RIC1: variants seen among roughly 807,000 people sequenced by gnomAD.
The protein encoded by RIC1 is guanine nucleotide exchange factor subunit RIC1.
Under a neutral mutation model 169.0 loss-of-function variants are expected in RIC1, and 88 were observed. The observed-to-expected ratio is 0.52, with a 90% CI of 0.44 to 0.62. The LOEUF is 0.62. RIC1 is among the 20% of genes least tolerant of loss of function. The probability of loss-of-function intolerance (pLI) is 0.00; values close to 1 mark genes in which losing one functional copy is unlikely to be tolerated. For missense variants in RIC1, 1,877 were observed against 1,725.5 expected (o/e 1.09, Z -1.56); for synonymous variants, 790 against 601.5 (o/e 1.31, Z -4.59).
chr9:5,694,160 C>A (rs148625025), intron 3 of RIC1, among the ~76,000 whole-genome samples: 9 of 152,268 alleles, frequency 5.9e-5, no homozygotes, highest in African/African-American at 2.2e-4. Flanking sequence ...TTTTTAACTT[C>A]AACACAACTT....
intron 13 of RIC1, 110 bp downstream of exon 13, chr9:5,753,348 C>A: frequency 2.0e-6 from 2 of 1,011,596 alleles, no homozygotes; most frequent in Non-Finnish European, 3.1e-6. Flanking sequence ...AACTCTTGAT[C>A]TATTGTAACA....
At chr9:5,652,952 G>A (rs1586884445) in intron 1 of RIC1, among the ~76,000 whole-genome samples, 1 of 152,146 alleles carries the variant, frequency 6.6e-6, no homozygotes, top group African/African-American at 2.4e-5. Context: ...TGCCTCTCCT[G>A]AAATGATCAT....
intron 3 of RIC1, among the ~76,000 whole-genome samples, chr9:5,707,165 T>C (rs1468904692): frequency 2.0e-5 from 3 of 152,188 alleles, no homozygotes; most frequent in South Asian, 2.1e-4. Flanking sequence ...TTACAGTGTA[T>C]TTTGAATTTC....
At chr9:5,721,415 C>G (rs962469016) in intron 6 of RIC1, among the ~76,000 whole-genome samples, 1 of 152,196 alleles carries the variant, frequency 6.6e-6, no homozygotes, top group African/African-American at 2.4e-5. Context: ...GCTCCCACTT[C>G]ACAGATTGAT....
chr9:5,645,131 G>A (rs1351216522), intron 1 of RIC1, among the ~76,000 whole-genome samples: 1 of 151,874 alleles, frequency 6.6e-6, no homozygotes, highest in African/African-American at 2.4e-5. Flanking sequence ...TTGGGTCACT[G>A]CAGCCTTGAA....
chr9:5,641,250 C>G (rs1818228550), intron 1 of RIC1, among the ~76,000 whole-genome samples: 1 of 151,982 alleles, frequency 6.6e-6, no homozygotes, highest in South Asian at 2.1e-4. Flanking sequence ...CACCACCACA[C>G]CCGGCTAATT....
chr9:5,749,760 G>A (rs903126258), intron 12 of RIC1, among the ~76,000 whole-genome samples: 10 of 138,812 alleles, frequency 7.2e-5, no homozygotes, highest in East Asian at 2.1e-4. Context: ...CAGTAAAGGC[G>A]GTGCTTTTTT....
At chr9:5,708,667 T>A (rs1156587295) in intron 3 of RIC1, among the ~76,000 whole-genome samples, 1 of 152,190 alleles carries the variant, frequency 6.6e-6, no homozygotes, top group Non-Finnish European at 1.5e-5. Flanking sequence ...CATCTCTTGC[T>A]GCTTTCAAGA....
Position 5,754,855 on chromosome 9 carries a change from C to T in RIC1, c.1617C>T (p.Ile539=), listed in dbSNP as rs573748502. The stretch of plus-strand genomic sequence containing the variant: ...TTTATTTTAAGGAGCAAAATATGAT[C>T]GTGACAGGTGGCTTAGCCTGGTGGA... ...FGNITQEQNM[I]VTGGLAWWND... is the part of the protein sequence containing the mutation. Residue 539 remains isoleucine, a synonymous_variant, in exon 15 of 26, where the codon ATC becomes ATT. Transcript: ENST00000414202. 142 of 1,564,044 alleles carry T rather than the reference C, an allele frequency of 9.1e-5. No individual in the cohort carries two copies. The highest frequency in any genetic ancestry group is 3.1e-4 in the African/African-American group (23 of 74,428).
chr9:5,750,778 G>C (rs575524603), intron 12 of RIC1, among the ~76,000 whole-genome samples: 2 of 151,330 alleles, frequency 1.3e-5, no homozygotes, highest in African/African-American at 4.9e-5. Flanking sequence ...TTTTGTCACT[G>C]ATCAGCTGCC....
chr9:5,661,706 G>A (rs183175747), intron 2 of RIC1, among the ~76,000 whole-genome samples: 1 of 152,276 alleles, frequency 6.6e-6, no homozygotes, highest in African/African-American at 2.4e-5. Flanking sequence ...TGCTGAAGTT[G>A]CTTATCAGCT....
intron 1 of RIC1, among the ~76,000 whole-genome samples, chr9:5,646,011 T>G (rs1818492682): frequency 6.6e-6 from 1 of 151,732 alleles, no homozygotes; most frequent in African/African-American, 2.4e-5. Flanking sequence ...CCACATACTG[T>G]GTTTCCACAG....
At chr9:5,642,354 A>AG (rs1260400592) in intron 1 of RIC1, among the ~76,000 whole-genome samples, 1 of 144,672 alleles carries the variant, frequency 6.9e-6, no homozygotes, top group African/African-American at 2.8e-5. Context: ...AAGCCAGCAG[A>AG]GCACTGGGTC....
At position 5,753,518 on chromosome 9, in the gene RIC1, ATT is replaced by A. The variant is rs746845932; in HGVS notation, c.1492-8_1492-7del. The A allele has an allele frequency of 4.8e-6, 6 of 1,249,260 alleles. No homozygotes were observed. Among genetic ancestry groups the A allele is most frequent in the South Asian group, 3.0e-5 (2 of 67,412 alleles). 77.4% of individuals were successfully genotyped at this position (1,249,260 alleles called of 1,614,324 possible). A position where few individuals can be genotyped will look rare whatever the true frequency, so the allele number is the denominator to read the frequency against. On this transcript the variant is annotated splice_polypyrimidine_tract_variant and intron_variant, in intron 13 of 25. Transcript: ENST00000414202. ...TATAGGTTTGCAAGGAAAAGTTCTT[ATT>A]TTTTTTTTTAAACAGTTTTCAGCTA...
chr9:5,774,977 T>C lies in RIC1; in HGVS notation c.*731T>C, dbSNP rs987763465. On this transcript the variant is annotated 3_prime_UTR_variant, in exon 26 of 26. Transcript: ENST00000414202. ...GAACAGTATCTTTTTGTGAATACTC[T>C]TGTGTAAATATATTCAAAGGCACTG... 6.6e-6 allele frequency: 1 copy of C among 152,238 alleles called. No individual in the cohort carries two copies. Among genetic ancestry groups the C allele is most frequent in the African/African-American group, 2.4e-5 (1 of 41,454 alleles). 9.4% of individuals were successfully genotyped at this position (152,238 alleles called of 1,614,324 possible).
intron 3 of RIC1, among the ~76,000 whole-genome samples, chr9:5,703,890 T>C (rs1428087006): frequency 6.6e-6 from 1 of 152,206 alleles, no homozygotes; most frequent in Non-Finnish European, 1.5e-5. Context: ...CTGTTTTCAA[T>C]TATTTTTGGG....
chr9:5,680,419 C>A (rs1360496716), intron 2 of RIC1, among the ~76,000 whole-genome samples: 4 of 152,190 alleles, frequency 2.6e-5, no homozygotes, highest in Admixed American at 2.6e-4. Flanking sequence ...AGGAATGGTA[C>A]CATCTCTTCC....
At chr9:5,643,782 T>C (rs1470646913) in intron 1 of RIC1, among the ~76,000 whole-genome samples, 1 of 152,198 alleles carries the variant, frequency 6.6e-6, no homozygotes, top group African/African-American at 2.4e-5. Context: ...AGGCAATTTA[T>C]TTAATCAGAA....
At chr9:5,668,654 A>C (rs941346426) in intron 2 of RIC1, among the ~76,000 whole-genome samples, 2 of 152,064 alleles carry the variant, frequency 1.3e-5, no homozygotes, top group South Asian at 2.1e-4. Flanking sequence ...CGTCTGCTCA[A>C]ATTTGCTATT....
Sources: allele counts gnomAD v4.1 joint callset (sites outside exome capture counted in the v4.1 genomes callset), GRCh38; gene constraint gnomAD v4.1.1; transcripts MANE v1.5; gene names NCBI Gene and HGNC (gene_info 2026-07-23, HGNC 2026-07-21).